Variants in EYS observed in about 807,000 individuals in gnomAD.
EYS encodes protein eyes shut homolog.
EYS carries 250 observed loss-of-function variants against 282.1 expected under a neutral mutation model. The ratio of observed to expected loss-of-function variants is 0.89; its 90% confidence interval spans 0.80 to 0.98. The LOEUF is 0.98. Among genes scored for constraint, EYS ranks in the 50% least tolerant of loss-of-function variants. The pLI is 0.00. For synonymous variants in EYS, 1,355 were observed against 1,282.9 expected (o/e 1.06, Z -1.20); for missense variants, 4,016 against 3,709.0 (o/e 1.08, Z -2.15).
At chr6:64,378,782 C>T (rs905140559) in intron 29 of EYS, among the ~76,000 whole-genome samples, 37 of 152,172 alleles carry the variant, frequency 2.4e-4, no homozygotes, top group Non-Finnish European at 2.2e-4. Context: ...CACATCTCTA[C>T]TGGCCCTTTT....
At position 64,936,826 on chromosome 6, in the gene EYS, C is replaced by T. The variant is rs139902631; in HGVS notation, c.2381+8967G>A. ...GCCATTTTCTTCAGAAAGTAACAAGCTGATACTAAAATTCATATGGAAGTA... is the reference window on the plus strand; with the variant it reads ...GCCATTTTCTTCAGAAAGTAACAAGTTGATACTAAAATTCATATGGAAGTA... On this transcript the variant is annotated intron_variant, in intron 15 of 42. Coordinates refer to ENST00000503581, the MANE Select transcript of EYS (RefSeq NM_001142800.2). Among the ~76,000 whole-genome samples the T allele has an allele frequency of 2.8e-3, 425 of 151,398 alleles. 1 individual carries two copies. Among genetic ancestry groups the T allele is most frequent in the Non-Finnish European group, 4.4e-3 (299 of 67,464 alleles).
intron 35 of EYS, among the ~76,000 whole-genome samples, chr6:63,944,746 C>T (rs1765344559): frequency 6.6e-6 from 1 of 151,706 alleles, no homozygotes. Context: ...GCCAACGTGG[C>T]AAAACCCCGT....
At chr6:64,188,209 C>T (rs1765002042) in intron 31 of EYS, among the ~76,000 whole-genome samples, 1 of 152,006 alleles carries the variant, frequency 6.6e-6, no homozygotes, top group Non-Finnish European at 1.5e-5. Flanking sequence ...TTTTACCTTG[C>T]CAACATACCT....
At chr6:64,520,362 A>G (rs535350399) in intron 26 of EYS, among the ~76,000 whole-genome samples, 1 of 151,784 alleles carries the variant, frequency 6.6e-6, no homozygotes, top group Non-Finnish European at 1.5e-5. Flanking sequence ...TGTCATATTA[A>G]TTGTTTTTCT....
At position 64,149,865 on chromosome 6, in the gene EYS, G is replaced by A. The variant is rs144191375; in HGVS notation, c.6425-67863C>T. ...TGACACTGAGCATGGATGTTAACACGCCTTCATTTTCTCCTCTGAATAATT... is the reference window on the plus strand; with the variant it reads ...TGACACTGAGCATGGATGTTAACACACCTTCATTTTCTCCTCTGAATAATT... On this transcript the variant is annotated intron_variant, in intron 31 of 42. Coordinates refer to ENST00000503581, the MANE Select transcript of EYS (RefSeq NM_001142800.2). Among the ~76,000 whole-genome samples, 706 of 152,196 alleles carry A rather than the reference G, an allele frequency of 4.6e-3. 4 individuals carry two copies. The highest frequency in any genetic ancestry group is 0.016 in the African/African-American group (665 of 41,526).
intron 14 of EYS, among the ~76,000 whole-genome samples, chr6:64,948,311 C>G (rs2150097677): frequency 6.6e-6 from 1 of 151,258 alleles, no homozygotes; most frequent in South Asian, 2.1e-4. Context: ...GCATTTTCCT[C>G]AATTTAGACA....
At chr6:65,082,539 T>C (rs1454582364) in intron 12 of EYS, among the ~76,000 whole-genome samples, 1 of 152,048 alleles carries the variant, frequency 6.6e-6, no homozygotes, top group Non-Finnish European at 1.5e-5. Context: ...CATAACATAC[T>C]CTACTTCAAA....
At chr6:65,398,546 G>A (rs375450185) in intron 7 of EYS, among the ~76,000 whole-genome samples, 12 of 151,880 alleles carry the variant, frequency 7.9e-5, no homozygotes, top group East Asian at 5.8e-4. Context: ...AACTCTTCCA[G>A]ACATTGGCCT....
intron 26 of EYS, among the ~76,000 whole-genome samples, chr6:64,456,566 A>G (rs1775565160): frequency 6.6e-6 from 1 of 152,072 alleles, no homozygotes; most frequent in Non-Finnish European, 1.5e-5. Flanking sequence ...CTATATAAGA[A>G]CACTAGATAT....
At chr6:65,128,173 C>A (rs1028663062) in intron 12 of EYS, among the ~76,000 whole-genome samples, 1 of 151,500 alleles carries the variant, frequency 6.6e-6, no homozygotes, top group Non-Finnish European at 1.5e-5. Context: ...TTACCATATC[C>A]GATCAAGGTA....
intron 35 of EYS, among the ~76,000 whole-genome samples, chr6:63,974,500 C>G (rs1376313260): frequency 2.0e-5 from 3 of 151,970 alleles, no homozygotes; most frequent in Non-Finnish European, 4.4e-5. Context: ...AGAGAAGTCT[C>G]TTATGCCCAG....
At chr6:64,240,693 G>A (rs896921047) in intron 30 of EYS, among the ~76,000 whole-genome samples, 1 of 152,156 alleles carries the variant, frequency 6.6e-6, no homozygotes, top group African/African-American at 2.4e-5. Flanking sequence ...CACGTCATCT[G>A]CAAACAGAGA....
At chr6:64,684,763 C>T (rs895593168) in intron 22 of EYS, among the ~76,000 whole-genome samples, 16 of 150,836 alleles carry the variant, frequency 1.1e-4, no homozygotes, top group Admixed American at 5.3e-4. Context: ...AGATTCAATC[C>T]CAAGGACGTT....
intron 26 of EYS, among the ~76,000 whole-genome samples, chr6:64,532,237 T>C (rs1308654465): frequency 2.0e-5 from 3 of 152,172 alleles, no homozygotes; most frequent in African/African-American, 2.4e-5. Flanking sequence ...ATTTAAAAAA[T>C]TGGGATTTTA....
intron 30 of EYS, 94 bp downstream of exon 30, chr6:64,306,876 G>A (rs759720667): frequency 2.9e-6 from 2 of 694,072 alleles, no homozygotes; most frequent in Non-Finnish European, 2.5e-6. Flanking sequence ...ACGAAATATA[G>A]TGCAGCCTTC....
At chr6:64,149,272 G>A (rs1025041501) in intron 31 of EYS, among the ~76,000 whole-genome samples, 2 of 152,154 alleles carry the variant, frequency 1.3e-5, no homozygotes, top group Non-Finnish European at 2.9e-5. Flanking sequence ...GCTTCTGAAA[G>A]CTATAGCAGA....
chr6:63,957,443 T>C (rs559048186), intron 35 of EYS, among the ~76,000 whole-genome samples: 1 of 140,650 alleles, frequency 7.1e-6, no homozygotes, highest in East Asian at 2.0e-4. Context: ...CAGTATTGAT[T>C]TTGGGGTTAC....
chr6:64,882,908 A>T (rs1287931364), intron 19 of EYS, among the ~76,000 whole-genome samples: 1 of 151,496 alleles, frequency 6.6e-6, no homozygotes, highest in Non-Finnish European at 1.5e-5. Flanking sequence ...TCACAAAACT[A>T]TAAGTTCAGT....
At chr6:65,601,051 C>T (rs980380859) in intron 2 of EYS, among the ~76,000 whole-genome samples, 8 of 151,634 alleles carry the variant, frequency 5.3e-5, no homozygotes, top group South Asian at 2.1e-4. Flanking sequence ...TCTAAATACA[C>T]GTTGCTTATT....
Sources: gnomAD v4.1 joint callset for allele counts (sites outside exome capture counted in the v4.1 genomes callset) on GRCh38, gnomAD v4.1.1 for gene constraint, MANE v1.5 for transcripts, NCBI Gene and HGNC (gene_info 2026-07-23, HGNC 2026-07-21) for gene names.